CNTNAP3B: variants seen among roughly 807,000 people sequenced by gnomAD.
The protein encoded by CNTNAP3B is contactin-associated protein-like 3B.
CNTNAP3B carries 25 observed loss-of-function variants against 108.9 expected under a neutral mutation model. The observed-to-expected ratio is 0.23, with a 90% CI of 0.17 to 0.32. The LOEUF is 0.32. Ranked by LOEUF, CNTNAP3B falls within the 10% of genes least tolerant of loss-of-function variation. The probability of loss-of-function intolerance (pLI) is 1.00; values close to 1 mark genes in which losing one functional copy is unlikely to be tolerated. For synonymous variants in CNTNAP3B, 103 were observed against 473.4 expected, an observed-to-expected ratio of 0.22 and a Z score of 10.16; for missense variants, 252 against 1,210.4, an observed-to-expected ratio of 0.21 and a Z score of 11.75.
intron 14 of CNTNAP3B, among the ~76,000 whole-genome samples, chr9:41,932,564 G>T (rs1451126142): frequency 6.6e-6 from 1 of 151,578 alleles, no homozygotes; most frequent in Admixed American, 6.6e-5. Context: ...TTGTCGCCCA[G>T]GCTGGAGTGC....
Position 41,919,204 on chromosome 9 carries a change from G to T in CNTNAP3B, c.2995+866C>A, listed in dbSNP as rs1308893472. On this transcript the variant is annotated intron_variant, in intron 18 of 23. Transcript: ENST00000377561. ...GGAGTGAGTGCAGTGGTGCGATCTC[G>T]ACTCACTGCAACCTCTGCCTCCCGG... 1.1e-4 allele frequency among the ~76,000 whole-genome samples: 17 copies of T among 151,872 alleles called. No homozygotes were observed. The East Asian group carries it at 2.7e-3, about 24-fold the overall frequency.
intron 3 of CNTNAP3B, among the ~76,000 whole-genome samples, chr9:42,056,051 C>T (rs1212568499): frequency 3.5e-5 from 4 of 112,742 alleles, no homozygotes; most frequent in South Asian, 2.8e-4. Context: ...TACATAATGT[C>T]TTCATACTTA....
intron 3 of CNTNAP3B, among the ~76,000 whole-genome samples, chr9:42,054,787 A>G (rs1391792599): frequency 1.3e-5 from 2 of 151,780 alleles, no homozygotes; most frequent in South Asian, 4.2e-4. Flanking sequence ...CAAAGTTAGG[A>G]TGACATTTAA....
At chr9:42,021,758 C>T (rs1206653129) in intron 3 of CNTNAP3B, among the ~76,000 whole-genome samples, 2 of 126,482 alleles carry the variant, frequency 1.6e-5, no homozygotes, top group Admixed American at 1.6e-4. Flanking sequence ...TGTAAAACAG[C>T]AGCAACAACA....
intron 14 of CNTNAP3B, among the ~76,000 whole-genome samples, chr9:41,937,102 T>C (rs1232635595): frequency 0.2 from 21,075 of 105,794 alleles, 239 homozygotes; most frequent in South Asian, 0.29. Flanking sequence ...CATTACATTT[T>C]TTATTTATTA....
chr9:42,112,805 C>T (rs1564198223), intron 1 of CNTNAP3B, among the ~76,000 whole-genome samples: 1 of 133,712 alleles, frequency 7.5e-6, no homozygotes. Context: ...GGACCAAGGA[C>T]TTTATTCTAT....
chr9:41,983,266 T>A (rs1185172842), intron 9 of CNTNAP3B: 1 of 127,888 alleles, frequency 7.8e-6, no homozygotes, highest in Non-Finnish European at 1.6e-5. Context: ...ATATACATTG[T>A]CAAAGACTAT....
intron 10 of CNTNAP3B, among the ~76,000 whole-genome samples, chr9:41,967,761 G>A (rs1692982): frequency 1.3e-5 from 2 of 152,278 alleles, no homozygotes; most frequent in Admixed American, 1.3e-4. Flanking sequence ...AATAATCTCA[G>A]AGGAGCTAGT....
intron 13 of CNTNAP3B, among the ~76,000 whole-genome samples, chr9:41,943,653 C>T (rs1471668031): frequency 1.4e-5 from 2 of 147,774 alleles, no homozygotes; most frequent in Non-Finnish European, 3.0e-5. Context: ...CGCGCCCAGC[C>T]CTGTTGGATA....
chr9:41,952,289 T>C (rs536909114), intron 13 of CNTNAP3B, among the ~76,000 whole-genome samples: 2 of 152,198 alleles, frequency 1.3e-5, no homozygotes, highest in Admixed American at 1.3e-4. Context: ...TTTTGTTTTT[T>C]TAAGACAAGG....
intron 3 of CNTNAP3B, among the ~76,000 whole-genome samples, chr9:42,054,851 T>C (rs1327279541): frequency 6.7e-6 from 1 of 149,848 alleles, no homozygotes; most frequent in Non-Finnish European, 1.5e-5. Flanking sequence ...AATAAGCTCC[T>C]TCTGTGCTAT....
chr9:41,963,778 T>A (rs1465446882), intron 11 of CNTNAP3B, among the ~76,000 whole-genome samples: 1 of 152,254 alleles, frequency 6.6e-6, no homozygotes, highest in Non-Finnish European at 1.5e-5. Context: ...CAACTCCTCA[T>A]CTTCCCACAA....
At chr9:42,044,290 C>A (rs1826823012) in intron 3 of CNTNAP3B, among the ~76,000 whole-genome samples, 1 of 151,496 alleles carries the variant, frequency 6.6e-6, no homozygotes, top group Non-Finnish European at 1.5e-5. Flanking sequence ...AAGAAAAAAA[C>A]ATAGTACATA....
At chr9:42,023,635 G>T (rs1237210367) in intron 3 of CNTNAP3B, among the ~76,000 whole-genome samples, 1 of 109,608 alleles carries the variant, frequency 9.1e-6, no homozygotes, top group East Asian at 3.5e-4. Flanking sequence ...CCAAATGCTT[G>T]AGTTCAGTTT....
At chr9:41,953,055 A>C in intron 13 of CNTNAP3B, 128 bp downstream of exon 13, 1 of 1,153,250 alleles carries the variant, frequency 8.7e-7, no homozygotes, top group Non-Finnish European at 1.2e-6. Context: ...AGAAGGAGAG[A>C]GCGGTCAGGG....
chr9:42,002,375 C>A (rs1826021342), intron 4 of CNTNAP3B, among the ~76,000 whole-genome samples: 1 of 73,812 alleles, frequency 1.4e-5, no homozygotes, highest in Middle Eastern at 6.6e-3. Flanking sequence ...GTTAGAGGAC[C>A]ACGAGAGTTT....
At chr9:41,955,855 G>A (rs1358885066) in intron 12 of CNTNAP3B, among the ~76,000 whole-genome samples, 1 of 152,270 alleles carries the variant, frequency 6.6e-6, no homozygotes, top group Non-Finnish European at 1.5e-5. Flanking sequence ...CAGTACAGAT[G>A]TTCCTCAATT....
At chr9:42,122,592 T>A (rs1828487101) in intron 1 of CNTNAP3B, among the ~76,000 whole-genome samples, 1 of 135,742 alleles carries the variant, frequency 7.4e-6, no homozygotes, top group African/African-American at 2.9e-5. Flanking sequence ...TGATGTTGCA[T>A]TACTTTTTCT....
At chr9:41,968,315 G>A (rs1164158206) in intron 10 of CNTNAP3B, among the ~76,000 whole-genome samples, 1 of 142,196 alleles carries the variant, frequency 7.0e-6, no homozygotes, top group Non-Finnish European at 1.5e-5. Flanking sequence ...AACTCAGAGA[G>A]AGATGAGCTC....
Sources: allele counts gnomAD v4.1 joint callset (sites outside exome capture counted in the v4.1 genomes callset), GRCh38; gene constraint gnomAD v4.1.1; transcripts MANE v1.5; gene names NCBI Gene and HGNC (gene_info 2026-07-23, HGNC 2026-07-21).